The following BDP1 variants were observed in gnomAD, a reference collection of about 807,000 sequenced individuals.
BDP1 encodes the protein BDP1 general transcription factor IIIB subunit.
BDP1 carries 169 observed loss-of-function variants against 266.6 expected under a neutral mutation model. The ratio of observed to expected loss-of-function variants is 0.63; its 90% CI spans 0.56 to 0.72. The LOEUF (loss-of-function observed/expected upper bound fraction) is 0.72, where lower values mean the gene tolerates loss of function less well. BDP1 is among the 30% of genes least tolerant of loss of function. The pLI is 0.00. For missense variants in BDP1, 3,015 were observed against 3,053.8 expected, an observed-to-expected ratio of 0.99 and a Z score of 0.30; for synonymous variants, 1,090 against 1,022.4, an observed-to-expected ratio of 1.07 and a Z score of -1.26.
chr5:71,491,507 T>C (rs534050547), intron 11 of BDP1, among the ~76,000 whole-genome samples: 1 of 152,074 alleles, frequency 6.6e-6, no homozygotes, highest in African/African-American at 2.4e-5. Flanking sequence ...TTTTTAAATT[T>C]TATTTTGTAA....
intron 18 of BDP1, 108 bp downstream of exon 18, chr5:71,512,536 A>C (rs1764986334): frequency 1.4e-6 from 1 of 715,514 alleles, no homozygotes; most frequent in Non-Finnish European, 2.1e-6. Flanking sequence ...TAGAGCTTTT[A>C]AGATAGTTTT....
rs536505055 is a variant in BDP1, at chr5:71,488,431, C to CTT, written c.1214-960_1214-959dup. ...TGTGAGCCACCACGCCCAGCCAGAACTTTTTTTTTTTTTTGAGACGGAGTT... is the reference window on the plus strand; with the variant it reads ...TGTGAGCCACCACGCCCAGCCAGAACTTTTTTTTTTTTTTTTGAGACGGAGTT... On this transcript the variant is annotated intron_variant, in intron 9 of 38. Coordinates refer to ENST00000358731, the MANE Select transcript of BDP1 (RefSeq NM_018429.3). Among the ~76,000 whole-genome samples, 4 of 131,402 alleles carry CTT rather than the reference C, an allele frequency of 3.0e-5. No homozygotes were observed. The South Asian group carries it at 7.5e-4, about 25-fold the overall frequency. The allele number at this position is 131,402 out of a possible 152,430, so 86.2% of individuals were successfully genotyped here. A position where few individuals can be genotyped will look rare whatever the true frequency, so the allele number is the denominator to read the frequency against.
At chr5:71,521,519 C>T (rs1350285372) in intron 22 of BDP1, among the ~76,000 whole-genome samples, 5 of 151,940 alleles carry the variant, frequency 3.3e-5, no homozygotes, top group African/African-American at 4.8e-5. Context: ...CTCAAACTCC[C>T]GACCTCAGGT....
chr5:71,546,479 G>C (rs769469774), intron 32 of BDP1, among the ~76,000 whole-genome samples: 1 of 151,712 alleles, frequency 6.6e-6, no homozygotes, highest in Non-Finnish European at 1.5e-5. Flanking sequence ...TTAGCCAGTC[G>C]TGGTGGCATG....
the BDP1 span, among the ~76,000 whole-genome samples, chr5:71,575,153 A>G: frequency 6.6e-6 from 1 of 152,238 alleles, no homozygotes; most frequent in Non-Finnish European, 1.5e-5. Flanking sequence ...CTTACAAATG[A>G]AAACTTTGAT....
At chr5:71,514,849 ATTC>A in intron 19 of BDP1, 92 bp from the exon 20 acceptor site, 1 of 822,584 alleles carries the variant, frequency 1.2e-6, no homozygotes, top group Non-Finnish European at 1.9e-6. Context: ...CTACCCTATT[ATTC>A]TTCACGAAGA....
Position 71,539,035 on chromosome 5 carries a change from T to C in BDP1, c.5893-7T>C. 1 of 1,593,002 alleles carries C rather than the reference T, an allele frequency of 6.3e-7. No individual in the cohort carries two copies. The highest frequency in any genetic ancestry group is 8.6e-7 in the Non-Finnish European group (1 of 1,164,744). On this transcript the variant is annotated splice_region_variant and splice_polypyrimidine_tract_variant and intron_variant, in intron 26 of 38. Coordinates refer to ENST00000358731, the MANE Select transcript of BDP1 (RefSeq NM_018429.3). ...TTTAAGATGTTACTTATTTTTTTCC[T>C]TTTTAGGAAATGACCACAAGTGAAC...
At chr5:71,526,408 G>GGAGTTT (rs1176308348) in intron 25 of BDP1, among the ~76,000 whole-genome samples, 1 of 151,654 alleles carries the variant, frequency 6.6e-6, no homozygotes. Flanking sequence ...TCTGAGGTCA[G>GGAGTTT]GAGTTTGAGA....
intron 25 of BDP1, among the ~76,000 whole-genome samples, chr5:71,530,006 G>A (rs909148502): frequency 6.6e-6 from 1 of 152,204 alleles, no homozygotes; most frequent in Non-Finnish European, 1.5e-5. Flanking sequence ...GCACATATCT[G>A]TGAATATCCC....
chr5:71,501,643 A>T lies in BDP1; in HGVS notation c.2038A>T (p.Thr680Ser). 3 of 1,503,138 alleles carry T rather than the reference A, an allele frequency of 2.0e-6. No homozygotes were observed. The highest frequency in any genetic ancestry group is 2.8e-6 in the Non-Finnish European group (3 of 1,081,688). The allele number at this position is 1,503,138 out of a possible 1,614,324, so 93.1% of individuals were successfully genotyped here. A position where few individuals can be genotyped will look rare whatever the true frequency, so the allele number is the denominator to read the frequency against. Residue 680 changes from threonine (T) to serine (S), a missense_variant, in exon 14 of 39, where the codon ACT becomes TCT. Physicochemically the swap from Thr to Ser is moderately conservative, Grantham distance 58. Transcript: ENST00000358731. ...AGAGAGAGAGAATCCAGAAGCTGAA[A>T]CTGTATCTGTGTGAGTATTCAGGAA... The part of the protein sequence containing the change: ...TTERENPEAE[T>S]VSVLGEKNCL...
chr5:71,512,458 T>G (rs183792617), intron 18 of BDP1, 30 bp downstream of exon 18: 1 of 1,408,812 alleles, frequency 7.1e-7, no homozygotes, highest in South Asian at 1.6e-5. Flanking sequence ...GAAAAAGATA[T>G]TAAGTTATAG....
At chr5:71,466,726 T>C (rs1761931574) in intron 5 of BDP1, among the ~76,000 whole-genome samples, 2 of 152,174 alleles carry the variant, frequency 1.3e-5, no homozygotes, top group South Asian at 2.1e-4. Context: ...CATTGGGCAT[T>C]GTGGAATTTA....
At chr5:71,462,627 G>T (rs1442934529) in intron 3 of BDP1, among the ~76,000 whole-genome samples, 1 of 151,912 alleles carries the variant, frequency 6.6e-6, no homozygotes, top group African/African-American at 2.4e-5. Flanking sequence ...GGTGGCATGT[G>T]CCTGTAGTTC....
rs563543474 is a variant in BDP1 at position 71,566,290 on chromosome 5, T to C, written c.*1405T>C. On this transcript the variant is annotated 3_prime_UTR_variant, in exon 39 of 39. Transcript: ENST00000358731. The stretch of plus-strand genomic sequence containing the variant: ...CAATTTCTTCATAGTTTTTTCCCAT[T>C]AAATTCTCAAGGAACACTTGGATCT... 6.5e-6 allele frequency: 1 copy of C among 152,694 alleles called. No individual in the cohort carries two copies. The highest frequency in any genetic ancestry group is 1.9e-4 in the East Asian group (1 of 5,188). The allele number at this position is 152,694 out of a possible 1,614,324, so 9.5% of individuals were successfully genotyped here.
intron 5 of BDP1, among the ~76,000 whole-genome samples, chr5:71,466,433 C>T (rs1481403923): frequency 6.6e-6 from 1 of 152,140 alleles, no homozygotes; most frequent in Non-Finnish European, 1.5e-5. Flanking sequence ...GATGCCCTAT[C>T]ATCTATTAAC....
intron 32 of BDP1, among the ~76,000 whole-genome samples, chr5:71,547,948 G>C (rs748208227): frequency 1.1e-4 from 16 of 151,664 alleles, no homozygotes; most frequent in Non-Finnish European, 1.8e-4. Flanking sequence ...GAGCGAGACT[G>C]TCTCAAAAAA....
intron 16 of BDP1, among the ~76,000 whole-genome samples, chr5:71,506,810 CACACACACA>C (rs1764608429): frequency 1.4e-5 from 2 of 140,828 alleles, no homozygotes; most frequent in African/African-American, 5.2e-5. Flanking sequence ...CACACACACA[CACACACACA>C]CACACCCATA....
At chr5:71,473,348 C>T (rs1363748642) in intron 7 of BDP1, among the ~76,000 whole-genome samples, 1 of 132,106 alleles carries the variant, frequency 7.6e-6, no homozygotes, top group African/African-American at 2.9e-5. Flanking sequence ...CATCTGGGCT[C>T]ACTGCAAGCT....
At chr5:71,550,240 G>A (rs1264382076) in intron 34 of BDP1, among the ~76,000 whole-genome samples, 11 of 152,150 alleles carry the variant, frequency 7.2e-5, no homozygotes, top group South Asian at 2.1e-4. Context: ...ACAAAAATTA[G>A]CTGGTCATGG....
Sources: allele counts gnomAD v4.1 joint callset (sites outside exome capture counted in the v4.1 genomes callset), GRCh38; gene constraint gnomAD v4.1.1; transcripts MANE v1.5; gene names NCBI Gene and HGNC (gene_info 2026-07-23, HGNC 2026-07-21).